GALNT13: variants seen among roughly 807,000 people sequenced by gnomAD.
GALNT13 encodes UDP-GalNAc:polypeptide N-acetylgalactosaminyltransferase 13.
Under a neutral mutation model 64.2 loss-of-function variants are expected in GALNT13, and 28 were observed. That is an observed-to-expected ratio of 0.44 (90% CI 0.32 to 0.60). The LOEUF (loss-of-function observed/expected upper bound fraction) is 0.60. GALNT13 is among the 20% of genes least tolerant of loss of function. The pLI, the probability that GALNT13 is intolerant of heterozygous loss-of-function variation, is 0.05. For synonymous variants in GALNT13, 214 were observed against 224.6 expected (o/e 0.95, Z 0.42); for missense variants, 577 against 669.8 (o/e 0.86, Z 1.53).
chr2:153,303,505 A>G, the GALNT13 span, among the ~76,000 whole-genome samples: 1 of 152,156 alleles, frequency 6.6e-6, no homozygotes, highest in Non-Finnish European at 1.5e-5. Flanking sequence ...CTGCAAACAG[A>G]CAGTCAACTA....
At chr2:153,555,005 T>C in the GALNT13 span, among the ~76,000 whole-genome samples, 37 of 152,204 alleles carry the variant, frequency 2.4e-4, 1 homozygote, top group South Asian at 5.8e-3. Flanking sequence ...TAGCACATAA[T>C]AGACACTCAA....
At chr2:154,080,684 A>G (rs546076856) in intron 3 of GALNT13, among the ~76,000 whole-genome samples, 26 of 151,780 alleles carry the variant, frequency 1.7e-4, no homozygotes, top group African/African-American at 6.3e-4. Flanking sequence ...ACCTTTTCAT[A>G]CTGTGGAGGC....
chr2:153,753,745 C>G, the GALNT13 span, among the ~76,000 whole-genome samples: 1 of 152,192 alleles, frequency 6.6e-6, no homozygotes, highest in Non-Finnish European at 1.5e-5. Context: ...GGCCATGAGG[C>G]TCTACAGTCA....
chr2:153,729,849 C>A, the GALNT13 span, among the ~76,000 whole-genome samples: 1 of 151,708 alleles, frequency 6.6e-6, no homozygotes, highest in Non-Finnish European at 1.5e-5. Flanking sequence ...AAGCTGAGAA[C>A]CAAATTAAGA....
chr2:153,907,953 T>C (rs1688696022), intron 2 of GALNT13, among the ~76,000 whole-genome samples: 1 of 152,100 alleles, frequency 6.6e-6, no homozygotes, highest in African/African-American at 2.4e-5. Flanking sequence ...TGAATGGTAA[T>C]TTTGTTTTTA....
At chr2:153,254,262 A>G in the GALNT13 span, among the ~76,000 whole-genome samples, 67 of 152,058 alleles carry the variant, frequency 4.4e-4, 1 homozygote, top group Middle Eastern at 6.8e-3. Flanking sequence ...GCGTAGAGGT[A>G]TTTGTAGTAT....
chr2:154,238,704 C>G (rs1418944765), intron 4 of GALNT13, among the ~76,000 whole-genome samples: 1 of 151,822 alleles, frequency 6.6e-6, no homozygotes, highest in Non-Finnish European at 1.5e-5. Context: ...CTTTATTCAG[C>G]TTTATTGAGG....
chr2:153,132,321 A>G, the GALNT13 span, among the ~76,000 whole-genome samples: 1 of 152,180 alleles, frequency 6.6e-6, no homozygotes, highest in Non-Finnish European at 1.5e-5. Context: ...CTCCTACTCC[A>G]GGTCTCAGCT....
chr2:153,367,896 A>C, the GALNT13 span, among the ~76,000 whole-genome samples: 1 of 152,124 alleles, frequency 6.6e-6, no homozygotes, highest in Non-Finnish European at 1.5e-5. Context: ...AGAATAAAAA[A>C]GAAACAAAGA....
At chr2:153,914,490 A>AG (rs71422258) in intron 2 of GALNT13, among the ~76,000 whole-genome samples, 27,167 of 150,710 alleles carry the variant, frequency 0.18, 3,244 homozygotes, top group Non-Finnish European at 0.26. Context: ...TCTCAAAAAA[A>AG]AAAAAAAAAA....
At chr2:153,822,706 G>A in the GALNT13 span, among the ~76,000 whole-genome samples, 2 of 151,732 alleles carry the variant, frequency 1.3e-5, no homozygotes, top group Middle Eastern at 3.2e-3. Flanking sequence ...TCCCCTTAAG[G>A]ACTGGAACAA....
At chr2:153,509,379 C>T in the GALNT13 span, among the ~76,000 whole-genome samples, 2 of 152,230 alleles carry the variant, frequency 1.3e-5, no homozygotes, top group African/African-American at 4.8e-5. Context: ...CTGGCGGAGC[C>T]TCCCCTGCTG....
chr2:153,739,187 T>A, the GALNT13 span, among the ~76,000 whole-genome samples: 125 of 152,068 alleles, frequency 8.2e-4, 1 homozygote, highest in African/African-American at 2.8e-3. Flanking sequence ...TAAATCCATA[T>A]TTGCAACATT....
At chr2:153,731,060 TTA>T in the GALNT13 span, among the ~76,000 whole-genome samples, 21 of 150,930 alleles carry the variant, frequency 1.4e-4, no homozygotes, top group African/African-American at 2.4e-4. Context: ...AAATAAACTA[TTA>T]TATATATATA....
chr2:153,270,615 C>G, the GALNT13 span, among the ~76,000 whole-genome samples: 1 of 152,146 alleles, frequency 6.6e-6, no homozygotes, highest in Non-Finnish European at 1.5e-5. Context: ...AGTCTCAGCA[C>G]TATGTGAGGC....
At chr2:153,128,105 T>A in the GALNT13 span, among the ~76,000 whole-genome samples, 1 of 152,176 alleles carries the variant, frequency 6.6e-6, no homozygotes, top group Non-Finnish European at 1.5e-5. Flanking sequence ...AAGATCATGA[T>A]CTCTACTGCT....
intron 3 of GALNT13, among the ~76,000 whole-genome samples, chr2:154,054,356 T>A (rs911009104): frequency 6.6e-6 from 1 of 152,076 alleles, no homozygotes; most frequent in Non-Finnish European, 1.5e-5. Context: ...TTTTTATTTT[T>A]ATGTTATGAA....
intron 8 of GALNT13, chr2:154,286,697 C>T (rs1041555722): frequency 3.6e-5 from 11 of 303,720 alleles, no homozygotes; most frequent in Middle Eastern, 5.0e-4. Flanking sequence ...GGACACAGAG[C>T]TGCCATCTTT....
chr2:154,385,695 T>G (rs192607951), intron 9 of GALNT13, among the ~76,000 whole-genome samples: 3 of 151,972 alleles, frequency 2.0e-5, no homozygotes, highest in Non-Finnish European at 2.9e-5. Context: ...TAAGTAATAG[T>G]TTATCTGTTG....
Sources: allele counts gnomAD v4.1 joint callset (sites outside exome capture counted in the v4.1 genomes callset), GRCh38; gene constraint gnomAD v4.1.1; transcripts MANE v1.5; gene names NCBI Gene and HGNC (gene_info 2026-07-23, HGNC 2026-07-21).